RANBP10: variants seen among roughly 807,000 people sequenced by gnomAD.
RANBP10 encodes ran-binding protein 10.
A neutral mutation model predicts 72.8 loss-of-function variants in RANBP10; 24 were observed. The observed-to-expected ratio is 0.33, with a 90% CI of 0.24 to 0.46. The LOEUF (loss-of-function observed/expected upper bound fraction) is 0.46, where lower values mean the gene tolerates loss of function less well. RANBP10 is among the 20% of genes least tolerant of loss of function. RANBP10 has a pLI of 1.00. For missense variants in RANBP10, 679 were observed against 817.5 expected (o/e 0.83, Z 2.07); for synonymous variants, 310 against 322.3 (o/e 0.96, Z 0.41).
chr16:67,785,113 G>A (rs1215158712), intron 2 of RANBP10, among the ~76,000 whole-genome samples: 1 of 152,090 alleles, frequency 6.6e-6, no homozygotes, highest in East Asian at 1.9e-4. Flanking sequence ...TCGGGAGGCT[G>A]AGGCAGGAGA....
intron 2 of RANBP10, among the ~76,000 whole-genome samples, chr16:67,783,604 T>C (rs2054853615): frequency 6.6e-6 from 1 of 152,136 alleles, no homozygotes; most frequent in Non-Finnish European, 1.5e-5. Context: ...GAGGAAAGGT[T>C]AAACCAAAGG....
intron 3 of RANBP10, among the ~76,000 whole-genome samples, chr16:67,766,382 T>C (rs753213077): frequency 2.0e-5 from 3 of 152,174 alleles, no homozygotes; most frequent in Admixed American, 6.6e-5. Context: ...GTTTGGATGT[T>C]TGTCCCCTCC....
intron 3 of RANBP10, among the ~76,000 whole-genome samples, chr16:67,752,656 A>T (rs2054218212): frequency 6.6e-6 from 1 of 152,006 alleles, no homozygotes; most frequent in Non-Finnish European, 1.5e-5. Flanking sequence ...ATATATATAT[A>T]TTTACACAAG....
Position 67,726,531 on chromosome 16 carries a change from G to A in RANBP10, c.1760C>T (p.Pro587Leu), listed in dbSNP as rs932252321. Reference sequence around the variant, plus strand: ...TGCCTGGCCCAGGGCGAGCATCAGAGGGGGCTGCTTTGGCAGGTTCTGGGA... The same window carrying A: ...TGCCTGGCCCAGGGCGAGCATCAGAAGGGGCTGCTTTGGCAGGTTCTGGGA... Reference protein sequence around the residue: ...LESQNLPKQPPLMLALGQASE... With the variant: ...LESQNLPKQPLLMLALGQASE... The change falls in exon 14 of 14, where the codon CCT (proline) becomes CTT (leucine). Residue 587 changes from proline to leucine, a missense_variant. Pro to Leu is a moderately conservative substitution (Grantham distance 98). Coordinates refer to ENST00000317506, the MANE Select transcript of RANBP10 (RefSeq NM_020850.3). 6 of 1,567,060 alleles carry A rather than the reference G, an allele frequency of 3.8e-6. No individual in the cohort carries two copies. The highest frequency in any genetic ancestry group is 1.2e-5 in the South Asian group (1 of 85,396).
At chr16:67,775,226 G>A (rs921031314) in intron 2 of RANBP10, among the ~76,000 whole-genome samples, 1 of 152,068 alleles carries the variant, frequency 6.6e-6, no homozygotes, top group African/African-American at 2.4e-5. Flanking sequence ...CAGGAGAATC[G>A]CTTGAACCCT....
Position 67,738,053 on chromosome 16 carries a change from C to T in RANBP10, c.569-18G>A, listed in dbSNP as rs1162136697. 1.9e-6 allele frequency: 3 copies of T among 1,585,390 alleles called. No individual in the cohort carries two copies. The highest frequency in any genetic ancestry group is 2.6e-6 in the Non-Finnish European group (3 of 1,164,628). ...GGCTATACCTGTGGGGGGAAAGGAA[C>T]AGTCATCAGGGCCAGCCCCTGGGGC... On this transcript the variant is annotated intron_variant, in intron 4 of 13. Coordinates refer to ENST00000317506, the MANE Select transcript of RANBP10 (RefSeq NM_020850.3).
chr16:67,799,694 A>C (rs2055200934), intron 2 of RANBP10, among the ~76,000 whole-genome samples: 1 of 152,020 alleles, frequency 6.6e-6, no homozygotes, highest in African/African-American at 2.4e-5. Context: ...ATCACCTCTT[A>C]TATGATTCTA....
At chr16:67,757,640 A>G (rs1481523582) in intron 3 of RANBP10, among the ~76,000 whole-genome samples, 1 of 152,202 alleles carries the variant, frequency 6.6e-6, no homozygotes, top group Non-Finnish European at 1.5e-5. Context: ...ATCTTAAAAA[A>G]TCTGGCAGGA....
intron 1 of RANBP10, 129 bp from the exon 2 acceptor site, chr16:67,805,668 G>T (rs1191234719): frequency 2.8e-6 from 2 of 707,084 alleles, no homozygotes; most frequent in Non-Finnish European, 4.8e-6. Context: ...ACAGGCCGAG[G>T]AATCATTAGA....
intron 6 of RANBP10, among the ~76,000 whole-genome samples, chr16:67,733,987 C>G (rs932646199): frequency 4.6e-5 from 7 of 152,180 alleles, no homozygotes; most frequent in African/African-American, 1.7e-4. Context: ...GTCATCTGCT[C>G]TGGGGGGCTG....
At chr16:67,772,770 C>T (rs1469275519) in intron 2 of RANBP10, among the ~76,000 whole-genome samples, 3 of 152,138 alleles carry the variant, frequency 2.0e-5, no homozygotes, top group African/African-American at 7.2e-5. Flanking sequence ...ACCTGGGCTC[C>T]TGTGGGGCTG....
At chr16:67,761,498 C>T (rs2054394251) in intron 3 of RANBP10, among the ~76,000 whole-genome samples, 1 of 152,228 alleles carries the variant, frequency 6.6e-6, no homozygotes, top group Admixed American at 6.5e-5. Context: ...CACAGAAGAC[C>T]AAGCACTTGA....
intron 3 of RANBP10, 80 bp downstream of exon 3, chr16:67,771,954 G>A: frequency 6.6e-7 from 1 of 1,512,518 alleles, no homozygotes; most frequent in Non-Finnish European, 9.0e-7. Flanking sequence ...GTCCTCCCCA[G>A]CCTCTCTGCT....
At chr16:67,785,843 G>A (rs1279054973) in intron 2 of RANBP10, among the ~76,000 whole-genome samples, 2 of 151,040 alleles carry the variant, frequency 1.3e-5, no homozygotes, top group African/African-American at 2.4e-5. Flanking sequence ...TGGCTAAAAC[G>A]GTGAAACCCC....
intron 7 of RANBP10, 58 bp downstream of exon 7, chr16:67,731,414 A>C: frequency 2.8e-6 from 4 of 1,440,454 alleles, no homozygotes; most frequent in Non-Finnish European, 3.9e-6. Context: ...GACATGAGCC[A>C]GAGAGCAGAG....
chr16:67,778,262 T>A (rs532564680), intron 2 of RANBP10, among the ~76,000 whole-genome samples: 14 of 152,008 alleles, frequency 9.2e-5, no homozygotes, highest in Admixed American at 2.0e-4. Context: ...AGCAGGAGAA[T>A]CGCTTGAACC....
At chr16:67,778,036 T>C (rs893790038) in intron 2 of RANBP10, among the ~76,000 whole-genome samples, 1 of 152,146 alleles carries the variant, frequency 6.6e-6, no homozygotes, top group Non-Finnish European at 1.5e-5. Context: ...CGCTGGGACA[T>C]CTGGATAATC....
intron 7 of RANBP10, 54 bp downstream of exon 7, chr16:67,731,418 A>G (rs759477815): frequency 3.4e-6 from 5 of 1,461,458 alleles, no homozygotes; most frequent in Admixed American, 1.7e-5. Context: ...TGAGCCAGAG[A>G]GCAGAGTTAG....
intron 2 of RANBP10, among the ~76,000 whole-genome samples, chr16:67,778,280 C>G (rs145991683): frequency 1.3e-5 from 2 of 151,780 alleles, no homozygotes; most frequent in African/African-American, 4.8e-5. Context: ...ACCCAGGAGG[C>G]GGAGGTTGCA....
Sources: gnomAD v4.1 joint callset for allele counts (sites outside exome capture counted in the v4.1 genomes callset) on GRCh38, gnomAD v4.1.1 for gene constraint, MANE v1.5 for transcripts, NCBI Gene and HGNC (gene_info 2026-07-23, HGNC 2026-07-21) for gene names.